Variants in ZBBX observed in about 807,000 individuals in gnomAD.
The protein encoded by ZBBX is zinc finger B-box domain-containing protein 1.
In ZBBX, 101 loss-of-function variants were observed where a neutral mutation model predicts 108.5. That is an observed-to-expected ratio of 0.93 (90% CI 0.79 to 1.10). ZBBX has a LOEUF of 1.10. ZBBX is among the 50% of genes least tolerant of loss of function. ZBBX has a pLI of 0.00. For missense variants in ZBBX, 1,009 were observed against 941.4 expected (o/e 1.07, Z -0.94); for synonymous variants, 356 against 323.4 (o/e 1.10, Z -1.08).
chr3:167,336,401 CT>C, intron 9 of ZBBX, among the ~76,000 whole-genome samples: 1 of 152,064 alleles, frequency 6.6e-6, no homozygotes. Context: ...TGGAAATGTT[CT>C]TTTCTAGAAC....
Position 167,350,420 on chromosome 3 carries a change from C to T in ZBBX, c.528G>A (p.Gln176=), listed in dbSNP as rs1202755644. ...ALKLHRTTLL[Q]AKSQILFNVL... ...AGTAAATCATTTTAGAAAGCCATACCTGCAAAAGAGTTGTTCTGTGGAGCT... is the reference window on the plus strand; with the variant it reads ...AGTAAATCATTTTAGAAAGCCATACTTGCAAAAGAGTTGTTCTGTGGAGCT... Residue 176 remains glutamine, a splice_region_variant and synonymous_variant, in exon 9 of 22, where the codon CAG becomes CAA. Coordinates refer to ENST00000675490, the MANE Select transcript of ZBBX (RefSeq NM_001199201.2). 1 of 1,587,578 alleles carries T rather than the reference C, an allele frequency of 6.3e-7. No homozygotes were observed. The highest frequency in any genetic ancestry group is 1.7e-5 in the Admixed American group (1 of 58,622).
intron 20 of ZBBX, among the ~76,000 whole-genome samples, chr3:167,276,002 C>A (rs1238951998): frequency 6.6e-6 from 1 of 152,234 alleles, no homozygotes; most frequent in Admixed American, 6.5e-5. Context: ...CTGGGAGGCA[C>A]CCCCCAGCAG....
intron 15 of ZBBX, among the ~76,000 whole-genome samples, chr3:167,314,607 A>G (rs1165148194): frequency 3.3e-5 from 5 of 152,202 alleles, no homozygotes. Flanking sequence ...TATGAACTGA[A>G]TAATATATTT....
At chr3:167,224,263 T>A in the ZBBX span, among the ~76,000 whole-genome samples, 1 of 151,980 alleles carries the variant, frequency 6.6e-6, no homozygotes, top group Non-Finnish European at 1.5e-5. Context: ...TCCATGTATT[T>A]TTTTATAAAC....
intron 4 of ZBBX, 138 bp downstream of exon 4, chr3:167,372,696 T>C: frequency 2.0e-6 from 1 of 504,622 alleles, no homozygotes; most frequent in South Asian, 3.8e-5. Context: ...AGATTTATAG[T>C]ATTTCAAAGC....
rs573602130 is a variant in ZBBX at position 167,400,594 on chromosome 3, C to T, written c.-446+7132G>A. On this transcript the variant is annotated intron_variant, in intron 1 of 21. Transcript: ENST00000455345. ...TTGCTGTTTAAATTCCTTATAGTAC[C>T]GTGAACTCCAAATATATAAGACAGG... Among the ~76,000 whole-genome samples, 12 of 151,842 alleles carry T rather than the reference C, an allele frequency of 7.9e-5. No individual in the cohort carries two copies. In the South Asian group the frequency reaches 8.3e-4, roughly 11 times the overall value.
chr3:167,248,799 GC>G, intron 20 of ZBBX: 1 of 373,338 alleles, frequency 2.7e-6, no homozygotes, highest in Non-Finnish European at 5.3e-6. Flanking sequence ...CTCAAGGTTT[GC>G]TGAAAGCAGG....
At chr3:167,230,150 T>C in the ZBBX span, among the ~76,000 whole-genome samples, 1 of 151,802 alleles carries the variant, frequency 6.6e-6, no homozygotes, top group Non-Finnish European at 1.5e-5. Flanking sequence ...ATAAACAGTA[T>C]CTACTATATG....
intron 1 of ZBBX, among the ~76,000 whole-genome samples, chr3:167,404,856 AG>A (rs1748535070): frequency 2.0e-5 from 3 of 152,238 alleles, no homozygotes; most frequent in Non-Finnish European, 4.4e-5. Context: ...TTTACAAATT[AG>A]CAGCCATAAC....
chr3:167,360,860 A>C (rs1444627175), intron 6 of ZBBX, 137 bp from the exon 7 acceptor site: 1 of 381,710 alleles, frequency 2.6e-6, no homozygotes, highest in South Asian at 9.7e-5. Context: ...ATATAAAATT[A>C]ATAGGAGATC....
intron 14 of ZBBX, 36 bp from the exon 15 acceptor site, chr3:167,315,865 C>A: frequency 1.5e-6 from 2 of 1,371,356 alleles, no homozygotes; most frequent in South Asian, 2.8e-5. Context: ...TTAGTAAGTT[C>A]ATAAAAATTT....
chr3:167,256,045 G>A (rs544176862), intron 20 of ZBBX, among the ~76,000 whole-genome samples: 3 of 152,102 alleles, frequency 2.0e-5, no homozygotes, highest in African/African-American at 7.2e-5. Context: ...ACAAATAAGT[G>A]ATAACATGCA....
At position 167,377,751 on chromosome 3, in the gene ZBBX, T is replaced by C. The variant is rs979951541; in HGVS notation, c.-132+1887A>G. Among the ~76,000 whole-genome samples, 6 of 152,130 alleles carry C rather than the reference T, an allele frequency of 3.9e-5. No homozygotes were observed. The South Asian group carries it at 1.0e-3, about 26-fold the overall frequency. On this transcript the variant is annotated intron_variant, in intron 2 of 21. Transcript: ENST00000675490. ...ACATGATTTCTAGAATAGTATCTTG[T>C]GCTGGAGTGTCCTACTAAATAAATG...
chr3:167,296,401 G>T (rs551956589), intron 18 of ZBBX, among the ~76,000 whole-genome samples: 2 of 152,040 alleles, frequency 1.3e-5, no homozygotes, highest in Non-Finnish European at 2.9e-5. Context: ...ACAAGAAAAA[G>T]AAATAAAAGA....
upstream of ZBBX, among the ~76,000 whole-genome samples, chr3:167,385,044 C>T (rs1177921077): frequency 6.6e-6 from 1 of 151,974 alleles, no homozygotes; most frequent in Non-Finnish European, 1.5e-5. Context: ...TTTATTTGAA[C>T]ATAAATAACA....
chr3:167,229,170 G>C, the ZBBX span, among the ~76,000 whole-genome samples: 1 of 151,676 alleles, frequency 6.6e-6, no homozygotes, highest in Non-Finnish European at 1.5e-5. Context: ...AGCCCCCAAA[G>C]ACAATGGATG....
chr3:167,337,584 G>A (rs780063538), intron 9 of ZBBX, among the ~76,000 whole-genome samples: 5 of 152,094 alleles, frequency 3.3e-5, no homozygotes, highest in East Asian at 1.9e-4. Context: ...ATAACTGCCC[G>A]TATTTGGTAC....
intron 16 of ZBBX, among the ~76,000 whole-genome samples, chr3:167,309,929 G>C (rs1402534193): frequency 6.6e-6 from 1 of 152,164 alleles, no homozygotes; most frequent in East Asian, 1.9e-4. Context: ...TTTATGCTCT[G>C]CTTCCCTTTT....
At chr3:167,209,157 C>T in the ZBBX span, among the ~76,000 whole-genome samples, 1 of 148,140 alleles carries the variant, frequency 6.8e-6, no homozygotes, top group African/African-American at 2.4e-5. Context: ...GAATAGAGCA[C>T]CAGGTAGATT....
Sources: allele counts gnomAD v4.1 joint callset (sites outside exome capture counted in the v4.1 genomes callset), GRCh38; gene constraint gnomAD v4.1.1; transcripts MANE v1.5; gene names NCBI Gene and HGNC (gene_info 2026-07-23, HGNC 2026-07-21).